Variants in PYGB observed in about 807,000 individuals in gnomAD.
PYGB encodes the protein glycogen phosphorylase, brain form.
Under a neutral mutation model 94.3 loss-of-function variants are expected in PYGB, and 82 were observed. The observed-to-expected ratio is 0.87, with a 90% CI of 0.73 to 1.04. The LOEUF (loss-of-function observed/expected upper bound fraction) is 1.04. PYGB is among the 50% of genes least tolerant of loss of function. The pLI is 0.00. For synonymous variants in PYGB, 488 were observed against 479.1 expected, an observed-to-expected ratio of 1.02 and a Z score of -0.24; for missense variants, 1,132 against 1,158.2, an observed-to-expected ratio of 0.98 and a Z score of 0.33.
intron 16 of PYGB, among the ~76,000 whole-genome samples, chr20:25,290,994 C>T (rs1014972020): frequency 1.3e-5 from 2 of 151,258 alleles, no homozygotes; most frequent in Non-Finnish European, 2.9e-5. Flanking sequence ...CCCTCTGTAC[C>T]CTCCCTCCCC....
In PYGB at chr20:25,295,155, G is replaced by A. The variant is rs555483778; in HGVS notation, c.2313-449G>A. 684 of 964,622 alleles carry A rather than the reference G, an allele frequency of 7.1e-4. 4 individuals carry two copies. The highest frequency in any genetic ancestry group is 3.4e-3 in the South Asian group (258 of 75,432). 59.8% of individuals were successfully genotyped at this position (964,622 alleles called of 1,614,324 possible). A position where few individuals can be genotyped will look rare whatever the true frequency, so the allele number is the denominator to read the frequency against. ...TCTGGCATTTTTGTTCAGCACATCA[G>A]GAACTGCAAGTCAGTATTTCCTGTG... On this transcript the variant is annotated intron_variant, in intron 18 of 19. Coordinates refer to ENST00000216962, the MANE Select transcript of PYGB (RefSeq NM_002862.4).
rs752310420 is a variant in PYGB at position 25,279,048 on chromosome 20, G to T, written c.1000-9G>T. Reference sequence around the variant, plus strand: ...AATGACTGAATGGCACCCCTTGTGCGACCTTCAGGTGGCCATCCAGCTGAA... The same window carrying T: ...AATGACTGAATGGCACCCCTTGTGCTACCTTCAGGTGGCCATCCAGCTGAA... On this transcript the variant is annotated splice_polypyrimidine_tract_variant and intron_variant, in intron 8 of 19. Coordinates refer to ENST00000216962, the MANE Select transcript of PYGB (RefSeq NM_002862.4). 6.2e-7 allele frequency: 1 copy of T among 1,606,562 alleles called. No individual in the cohort carries two copies. The highest frequency in any genetic ancestry group is 1.1e-5 in the South Asian group (1 of 90,654).
chr20:25,253,508 C>T lies in PYGB; in HGVS notation c.243+5087C>T, dbSNP rs193021706. Among the ~76,000 whole-genome samples, 162 of 152,004 alleles carry T rather than the reference C, an allele frequency of 1.1e-3. 1 individual carries two copies. Among genetic ancestry groups the T allele is most frequent in the East Asian group, 8.7e-3 (45 of 5,182 alleles). On this transcript the variant is annotated intron_variant, in intron 1 of 19. Coordinates refer to ENST00000216962, the MANE Select transcript of PYGB (RefSeq NM_002862.4). ...CTCTATTAAAAATACAAAAATTAGC[C>T]GGGCGTGGTGGTGGACATCTGCAGT... is the stretch of plus-strand genomic sequence containing the variant.
rs1032494286 is a variant in PYGB at position 25,274,866 on chromosome 20, T to G, written c.660+143T>G. On this transcript the variant is annotated intron_variant, in intron 5 of 19. Coordinates refer to ENST00000216962, the MANE Select transcript of PYGB (RefSeq NM_002862.4). ...CTTAAGGTAAAAGCCGGGGGAGGTT[T>G]ATTCTCCTCACTCCCCAGTCTCTTA... The G allele has an allele frequency of 5.5e-6, 7 of 1,279,316 alleles. No individual in the cohort carries two copies. The Admixed American group carries it at 1.7e-4, about 30-fold the overall frequency. The allele number at this position is 1,279,316 out of a possible 1,614,324, so 79.2% of individuals were successfully genotyped here.
chr20:25,284,131 C>G lies in PYGB; in HGVS notation c.1648C>G (p.Leu550Val), dbSNP rs767610773. The G allele has an allele frequency of 6.2e-7, 1 of 1,614,110 alleles. No individual in the cohort carries two copies. The highest frequency in any genetic ancestry group is 8.5e-7 in the Non-Finnish European group (1 of 1,179,988). ...QENKLKFSAF[L>V]EKEYKVKINP... is the part of the protein sequence containing the mutation. ...GAACAAGCTCAAGTTCTCGGCCTTCCTGGAGAAGGAGTACAAGGTGAAGAT... is the reference window on the plus strand; with the variant it reads ...GAACAAGCTCAAGTTCTCGGCCTTCGTGGAGAAGGAGTACAAGGTGAAGAT... The change falls in exon 14 of 20, where the codon CTG becomes GTG. Residue 550 changes from leucine (L) to valine (V), a missense_variant. Transcript: ENST00000216962.
chr20:25,283,087 T>C (rs1403759320), intron 12 of PYGB, 89 bp from the exon 13 acceptor site: 4 of 1,096,422 alleles, frequency 3.6e-6, no homozygotes, highest in Non-Finnish European at 5.5e-6. Flanking sequence ...AGCAGGGGCG[T>C]GGGCAACAAT....
rs1263554495 is a variant in PYGB at position 25,249,341 on chromosome 20, TGGTAG to T, written c.243+921_243+925del. Among the ~76,000 whole-genome samples, 80 of 152,350 alleles carry T rather than the reference TGGTAG, an allele frequency of 5.3e-4. 1 individual carries two copies. Among genetic ancestry groups the T allele is most frequent in the African/African-American group, 1.9e-3 (79 of 41,588 alleles). On this transcript the variant is annotated intron_variant, in intron 1 of 19. Coordinates refer to ENST00000216962, the MANE Select transcript of PYGB (RefSeq NM_002862.4). ...GGTAGTTTTCAGTTTGATAGGTACA[TGGTAG>T]TCTTGCACAGCCCCCTGTTGCCAGT...
rs73343081 is a variant in PYGB, at chr20:25,294,435, C to G, written c.2312+143C>G. ...TCTCCACTGTGCCCATGAGACCTTA[C>G]TGGGCAGAGCCTTAGACCCCAGCTG... On this transcript the variant is annotated intron_variant, in intron 18 of 19. Coordinates refer to ENST00000216962, the MANE Select transcript of PYGB (RefSeq NM_002862.4). 2.0e-3 allele frequency: 2,235 copies of G among 1,101,570 alleles called. 38 individuals carry two copies. In the African/African-American group the frequency reaches 0.031, roughly 15 times the overall value. 68.2% of individuals were successfully genotyped at this position (1,101,570 alleles called of 1,614,324 possible).
intron 14 of PYGB, among the ~76,000 whole-genome samples, chr20:25,286,095 T>C (rs1442448225): frequency 6.6e-6 from 1 of 152,238 alleles, no homozygotes; most frequent in Non-Finnish European, 1.5e-5. Context: ...CTCGATCTCA[T>C]CAGTGACTCA....
Position 25,248,323 on chromosome 20 carries a change from C to A in PYGB, c.145C>A (p.Pro49Thr). The change falls in exon 1 of 20, where the codon CCC (proline) becomes ACC (threonine). Residue 49 changes from proline (P) to threonine (T), a missense_variant. Transcript: ENST00000216962. ...TLVKDRNVATPRDYFFALAHT... is the reference protein window; with the variant it reads ...TLVKDRNVATTRDYFFALAHT... ...GGTCAAGGACCGCAATGTGGCCACG[C>A]CCCGCGACTACTTCTTCGCGCTGGC... 6.2e-7 allele frequency: 1 copy of A among 1,604,272 alleles called. No individual in the cohort carries two copies. Among genetic ancestry groups the A allele is most frequent in the East Asian group, 2.3e-5 (1 of 44,018 alleles).
At chr20:25,288,113 C>T (rs2088433402) in intron 14 of PYGB, 1 of 488,096 alleles carries the variant, frequency 2.0e-6, no homozygotes, top group Non-Finnish European at 3.8e-6. Context: ...CCTCTGAGCC[C>T]CGGGGAATAG....
At position 25,295,016 on chromosome 20, in the gene PYGB, G is replaced by A. The variant is rs778106233; in HGVS notation, c.2313-588G>A. 3.7e-6 allele frequency: 6 copies of A among 1,614,110 alleles called. No homozygotes were observed. In the African/African-American group the frequency reaches 8.0e-5, roughly 22 times the overall value. On this transcript the variant is annotated intron_variant, in intron 18 of 19. Transcript: ENST00000216962. The stretch of plus-strand genomic sequence containing the variant: ...CATGCTGGGATCTGGGCTGGAACCT[G>A]GGCCCTGCTGAGGTCTGTGATAAAG...
At chr20:25,265,682 C>T (rs1460921706) in intron 2 of PYGB, among the ~76,000 whole-genome samples, 2 of 151,132 alleles carry the variant, frequency 1.3e-5, no homozygotes, top group East Asian at 1.9e-4. Context: ...GCAGGCTTCA[C>T]CTCCCGGGTT....
intron 1 of PYGB, among the ~76,000 whole-genome samples, chr20:25,252,554 T>C (rs1568681404): frequency 6.6e-6 from 1 of 152,196 alleles, no homozygotes; most frequent in Non-Finnish European, 1.5e-5. Flanking sequence ...CCTCCTCAGG[T>C]TTGATGATTT....
intron 4 of PYGB, among the ~76,000 whole-genome samples, chr20:25,274,110 C>T (rs567103522): frequency 1.3e-5 from 2 of 152,266 alleles, no homozygotes; most frequent in East Asian, 3.9e-4. Context: ...GGATAACCGT[C>T]CCCACTGTCT....
At chr20:25,295,109 A>T in intron 18 of PYGB, 8 of 1,405,084 alleles carry the variant, frequency 5.7e-6, no homozygotes, top group Non-Finnish European at 8.1e-6. Context: ...GTGAACAGAA[A>T]TGCATTTGTA....
At chr20:25,282,309 C>T (rs980537620) in intron 12 of PYGB, among the ~76,000 whole-genome samples, 162 bp downstream of exon 12, 6 of 152,208 alleles carry the variant, frequency 3.9e-5, no homozygotes, top group African/African-American at 4.8e-5. Flanking sequence ...TGAACATGGG[C>T]GCTGAGCTGG....
chr20:25,267,869 A>AG (rs2088231207), intron 2 of PYGB, among the ~76,000 whole-genome samples: 1 of 152,188 alleles, frequency 6.6e-6, no homozygotes, highest in Admixed American at 6.5e-5. Flanking sequence ...AATCAAGGTG[A>AG]CATTTGCCCT....
At chr20:25,251,794 C>T (rs2092888780) in intron 1 of PYGB, among the ~76,000 whole-genome samples, 1 of 152,222 alleles carries the variant, frequency 6.6e-6, no homozygotes, top group Non-Finnish European at 1.5e-5. Context: ...AGACTCTTCC[C>T]ATAAGCTCCT....
Sources: allele counts gnomAD v4.1 joint callset (sites outside exome capture counted in the v4.1 genomes callset), GRCh38; gene constraint gnomAD v4.1.1; transcripts MANE v1.5; gene names NCBI Gene and HGNC (gene_info 2026-07-23, HGNC 2026-07-21).